The following CPNE4 variants were observed in gnomAD, a reference collection of about 807,000 sequenced individuals.
CPNE4 encodes the protein copine-4.
A neutral mutation model predicts 67.9 loss-of-function variants in CPNE4; 25 were observed. That is an observed-to-expected ratio of 0.37 (90% CI 0.27 to 0.51). The LOEUF is 0.51. Among genes scored for constraint, CPNE4 ranks in the 20% least tolerant of loss-of-function variants. The pLI, the probability that CPNE4 is intolerant of heterozygous loss-of-function variation, is 0.93. For missense variants in CPNE4, 464 were observed against 690.8 expected (o/e 0.67, Z 3.68); for synonymous variants, 242 against 244.9 (o/e 0.99, Z 0.11).
chr3:131,999,241 T>TAAGAAAAAAAAA (rs2073367728), intron 1 of CPNE4, among the ~76,000 whole-genome samples: 1 of 98,834 alleles, frequency 1.0e-5, no homozygotes, highest in East Asian at 2.6e-4. Context: ...TTATCCAAGG[T>TAAGAAAAAAAAA]AAAAAAAAAA....
At chr3:131,769,898 TG>T (rs755434601) in intron 2 of CPNE4, among the ~76,000 whole-genome samples, 3 of 152,154 alleles carry the variant, frequency 2.0e-5, no homozygotes, top group Admixed American at 6.6e-5. Context: ...TACATTTTTT[TG>T]GCTAATGGGA....
intron 2 of CPNE4, among the ~76,000 whole-genome samples, chr3:131,830,983 C>T (rs933211725): frequency 4.6e-5 from 7 of 152,016 alleles, no homozygotes; most frequent in African/African-American, 1.7e-4. Flanking sequence ...TTTAAATATA[C>T]TGTTAGAATA....
chr3:131,945,768 C>T, intron 1 of CPNE4, among the ~76,000 whole-genome samples: 1 of 152,110 alleles, frequency 6.6e-6, no homozygotes, highest in Non-Finnish European at 1.5e-5. Context: ...GAGGACCTAA[C>T]CTGACACACA....
At chr3:131,687,568 A>G (rs954229364) in intron 5 of CPNE4, among the ~76,000 whole-genome samples, 1 of 152,208 alleles carries the variant, frequency 6.6e-6, no homozygotes, top group Non-Finnish European at 1.5e-5. Context: ...GTCATTTATT[A>G]TTCCTAAATG....
At chr3:131,834,703 T>C (rs535886886) in intron 2 of CPNE4, among the ~76,000 whole-genome samples, 1 of 152,118 alleles carries the variant, frequency 6.6e-6, no homozygotes, top group African/African-American at 2.4e-5. Context: ...TATCTGATCT[T>C]AGGAGGTAAA....
At chr3:132,005,322 T>TAC (rs2073561926) in intron 1 of CPNE4, among the ~76,000 whole-genome samples, 1 of 21,248 alleles carries the variant, frequency 4.7e-5, no homozygotes, top group Non-Finnish European at 2.7e-4. Flanking sequence ...TACATATATA[T>TAC]ATATATATAT....
chr3:131,839,197 G>A (rs947965240), intron 2 of CPNE4, among the ~76,000 whole-genome samples: 15 of 151,780 alleles, frequency 9.9e-5, no homozygotes, highest in Non-Finnish European at 1.2e-4. Context: ...AATGATGAAA[G>A]ATTTTTTGAA....
At chr3:131,829,438 C>G (rs759786772) in intron 2 of CPNE4, among the ~76,000 whole-genome samples, 1 of 152,198 alleles carries the variant, frequency 6.6e-6, no homozygotes, top group Non-Finnish European at 1.5e-5. Flanking sequence ...TCTAAACATA[C>G]CTTATCATCA....
At chr3:131,720,284 GTTT>G (rs60028328) in intron 3 of CPNE4, among the ~76,000 whole-genome samples, 4 of 107,928 alleles carry the variant, frequency 3.7e-5, no homozygotes, top group African/African-American at 6.6e-5. Context: ...ACAGGAATGG[GTTT>G]TTTTTTTTTT....
intron 7 of CPNE4, among the ~76,000 whole-genome samples, chr3:131,620,728 C>T (rs1232372867): frequency 6.6e-6 from 1 of 152,090 alleles, no homozygotes; most frequent in Non-Finnish European, 1.5e-5. Flanking sequence ...AAGCAGAGGT[C>T]AGGGTGCTGT....
intron 4 of CPNE4, among the ~76,000 whole-genome samples, chr3:131,698,349 T>C (rs973442267): frequency 6.6e-6 from 1 of 151,882 alleles, no homozygotes; most frequent in African/African-American, 2.4e-5. Flanking sequence ...GATTTTGTTC[T>C]TTTGAGAAAG....
intron 10 of CPNE4, among the ~76,000 whole-genome samples, chr3:131,567,903 G>T (rs1937138152): frequency 6.6e-6 from 1 of 152,124 alleles, no homozygotes; most frequent in Middle Eastern, 3.4e-3. Flanking sequence ...ATTCAAACAT[G>T]CCTGGTGGAA....
intron 1 of CPNE4, among the ~76,000 whole-genome samples, chr3:131,921,565 T>A (rs113825584): frequency 0.02 from 3,075 of 152,288 alleles, 91 homozygotes; most frequent in African/African-American, 0.069. Context: ...TAGGCTTTTT[T>A]AATCAGATAT....
chr3:131,734,280 T>C (rs16837763), intron 2 of CPNE4, among the ~76,000 whole-genome samples: 2,295 of 152,214 alleles, frequency 0.015, 26 homozygotes, highest in Non-Finnish European at 0.025. Context: ...GCTCTTACCA[T>C]GAAAAAGGTA....
chr3:131,768,202 G>A (rs568161625), intron 2 of CPNE4, among the ~76,000 whole-genome samples: 245 of 152,178 alleles, frequency 1.6e-3, no homozygotes, highest in Non-Finnish European at 2.6e-3. Context: ...AGAGCTGGTC[G>A]TGACTTCTGA....
At chr3:131,844,067 C>T (rs2107626432) in intron 2 of CPNE4, among the ~76,000 whole-genome samples, 1 of 152,092 alleles carries the variant, frequency 6.6e-6, no homozygotes, top group East Asian at 1.9e-4. Context: ...GAAGTTTGTC[C>T]CTCCATTTCC....
chr3:131,762,269 AT>A (rs1351130934), intron 2 of CPNE4, among the ~76,000 whole-genome samples: 1 of 152,034 alleles, frequency 6.6e-6, no homozygotes, highest in East Asian at 1.9e-4. Context: ...TAAATCTATT[AT>A]ATGACATGTC....
In CPNE4 at chr3:131,604,852, G is replaced by A. The variant is rs537859368; in HGVS notation, c.682-17270C>T. 2.0e-5 allele frequency among the ~76,000 whole-genome samples: 3 copies of A among 152,230 alleles called. No individual in the cohort carries two copies. In the South Asian group the frequency reaches 6.2e-4, roughly 32 times the overall value. The stretch of plus-strand genomic sequence containing the variant: ...GTGATATGTGCAATGTGGGTTCCAA[G>A]TCTTGGCAGTCAGAGGTCACAACTC... On this transcript the variant is annotated intron_variant, in intron 7 of 15. Coordinates refer to ENST00000429747, the MANE Select transcript of CPNE4 (RefSeq NM_130808.3).
At chr3:131,814,078 G>A (rs2084638858) in intron 2 of CPNE4, among the ~76,000 whole-genome samples, 1 of 152,112 alleles carries the variant, frequency 6.6e-6, no homozygotes, top group South Asian at 2.1e-4. Context: ...TATTATAACA[G>A]ACTGCTGAGT....
Sources: gnomAD v4.1 joint callset for allele counts (sites outside exome capture counted in the v4.1 genomes callset) on GRCh38, gnomAD v4.1.1 for gene constraint, MANE v1.5 for transcripts, NCBI Gene and HGNC (gene_info 2026-07-23, HGNC 2026-07-21) for gene names.